WWP1: variants seen among roughly 807,000 people sequenced by gnomAD.
WWP1 encodes the protein WW domain containing E3 ubiquitin protein ligase 1.
In WWP1, 49 loss-of-function variants were observed where a neutral mutation model predicts 130.6. That is an observed-to-expected ratio of 0.38 (90% CI 0.30 to 0.48). WWP1 has a LOEUF of 0.48. WWP1 is among the 20% of genes least tolerant of loss of function. The probability of loss-of-function intolerance (pLI) is 0.99; values close to 1 mark genes in which losing one functional copy is unlikely to be tolerated. For missense variants in WWP1, 809 were observed against 1,100.6 expected (o/e 0.74, Z 3.75); for synonymous variants, 332 against 367.8 (o/e 0.90, Z 1.11).
chr8:86,345,635 C>CTA (rs1822532972), intron 1 of WWP1, among the ~76,000 whole-genome samples: 1 of 146,394 alleles, frequency 6.8e-6, no homozygotes, highest in Admixed American at 6.7e-5. Context: ...TCGTGTTGAA[C>CTA]TCCTGAGCTC....
At position 86,381,399 on chromosome 8, in the gene WWP1, G is replaced by A. The variant is rs536517808; in HGVS notation, c.210-106G>A. 96 of 1,321,794 alleles carry A rather than the reference G, an allele frequency of 7.3e-5. 1 individual carries two copies. The highest frequency in any genetic ancestry group is 5.2e-4 in the South Asian group (35 of 67,236). 81.9% of individuals were successfully genotyped at this position (1,321,794 alleles called of 1,614,324 possible). ...TTCTTCTCAAATAAATGAAATTCAC[G>A]GTTTTTAAAACATTACTGAAATAAA... On this transcript the variant is annotated intron_variant, in intron 4 of 24. Transcript: ENST00000517970.
At chr8:86,421,697 G>A (rs1202786840) in intron 9 of WWP1, among the ~76,000 whole-genome samples, 15 of 152,150 alleles carry the variant, frequency 9.9e-5, no homozygotes, top group East Asian at 1.9e-4. Flanking sequence ...GGTGGCTGGC[G>A]CCTATAGTCC....
intron 16 of WWP1, among the ~76,000 whole-genome samples, chr8:86,438,143 A>T: frequency 6.6e-6 from 1 of 152,066 alleles, no homozygotes; most frequent in Non-Finnish European, 1.5e-5. Context: ...AGAAAAGAAA[A>T]TTTTTTTAGA....
chr8:86,402,297 T>C lies in WWP1; in HGVS notation c.724+94T>C, dbSNP rs1299743764. The C allele has an allele frequency of 2.8e-6, 4 of 1,422,106 alleles. No homozygotes were observed. The African/African-American group carries it at 4.4e-5, about 15-fold the overall frequency. 88.1% of individuals were successfully genotyped at this position (1,422,106 alleles called of 1,614,324 possible). ...CTACACTTCCCTTTTTGTGTAGTCT[T>C]TTTTTTGAGACGGAGTCTCGCTCTG... On this transcript the variant is annotated intron_variant, in intron 8 of 24. Coordinates refer to ENST00000517970, the MANE Select transcript of WWP1 (RefSeq NM_007013.4).
intron 18 of WWP1, among the ~76,000 whole-genome samples, chr8:86,445,656 C>T (rs1472502477): frequency 2.6e-5 from 4 of 152,116 alleles, no homozygotes; most frequent in Non-Finnish European, 5.9e-5. Flanking sequence ...ATTTATTTTC[C>T]TCTGGATATC....
At chr8:86,406,375 A>G (rs941897310) in intron 8 of WWP1, among the ~76,000 whole-genome samples, 6 of 152,164 alleles carry the variant, frequency 3.9e-5, no homozygotes, top group Non-Finnish European at 7.4e-5. Flanking sequence ...TTTCTAATAT[A>G]TAGTTGTTAT....
At chr8:86,358,480 G>A (rs1205965235) in intron 1 of WWP1, among the ~76,000 whole-genome samples, 3 of 22,922 alleles carry the variant, frequency 1.3e-4, no homozygotes, top group Non-Finnish European at 5.3e-4. Flanking sequence ...TTATTGAGGA[G>A]TTTTTTTTTT....
At chr8:86,419,094 C>CA (rs1366596430) in intron 9 of WWP1, among the ~76,000 whole-genome samples, 1 of 151,968 alleles carries the variant, frequency 6.6e-6, no homozygotes, top group Admixed American at 6.6e-5. Flanking sequence ...AGATAGAGAT[C>CA]AAAAAAACAA....
At chr8:86,360,067 A>T (rs1823491234) in intron 1 of WWP1, among the ~76,000 whole-genome samples, 1 of 149,434 alleles carries the variant, frequency 6.7e-6, no homozygotes, top group African/African-American at 2.5e-5. Context: ...AAAACAAAAA[A>T]CAAAAAAAAA....
chr8:86,366,322 T>A (rs1331747000), intron 1 of WWP1, among the ~76,000 whole-genome samples: 1 of 152,174 alleles, frequency 6.6e-6, no homozygotes, highest in Non-Finnish European at 1.5e-5. Flanking sequence ...GCTTGGGGTA[T>A]GATGGCATGG....
In WWP1 at chr8:86,353,326, CAGAAG is replaced by C. The variant is rs1823056864; in HGVS notation, c.-115+10399_-115+10403del. Among the ~76,000 whole-genome samples, 2 of 152,162 alleles carry C rather than the reference CAGAAG, an allele frequency of 1.3e-5. 1 individual carries two copies. The highest frequency in any genetic ancestry group is 4.1e-4 in the South Asian group (2 of 4,828). ...AGGATCCAAAATCTGATCCTGTCAT[CAGAAG>C]AGTAGATCTTTTTTCCTGGAAAAAC... On this transcript the variant is annotated intron_variant, in intron 1 of 24. Coordinates refer to ENST00000517970, the MANE Select transcript of WWP1 (RefSeq NM_007013.4).
At chr8:86,344,716 T>C (rs1586218165) in intron 1 of WWP1, among the ~76,000 whole-genome samples, 1 of 152,134 alleles carries the variant, frequency 6.6e-6, no homozygotes, top group Admixed American at 6.5e-5. Context: ...TGAAGGACGA[T>C]TATGACTTTG....
At chr8:86,390,179 C>T (rs538311276) in intron 5 of WWP1, among the ~76,000 whole-genome samples, 54 of 151,778 alleles carry the variant, frequency 3.6e-4, no homozygotes, top group Non-Finnish European at 5.7e-4. Context: ...GACGGGATGG[C>T]GGCCAGGAAG....
At chr8:86,437,024 T>A (rs1810326155) in intron 16 of WWP1, among the ~76,000 whole-genome samples, 1 of 152,216 alleles carries the variant, frequency 6.6e-6, no homozygotes, top group South Asian at 2.1e-4. Context: ...AACTCTGGAT[T>A]GATTTTAGTA....
chr8:86,463,283 G>C (rs928145047), intron 24 of WWP1, among the ~76,000 whole-genome samples: 1 of 152,038 alleles, frequency 6.6e-6, no homozygotes, highest in Non-Finnish European at 1.5e-5. Flanking sequence ...GACTTTCCTC[G>C]ATGAGATTAG....
chr8:86,383,764 T>TA (rs2130380884), intron 5 of WWP1, among the ~76,000 whole-genome samples: 1 of 152,198 alleles, frequency 6.6e-6, no homozygotes, highest in African/African-American at 2.4e-5. Context: ...AATAAATATA[T>TA]AAAAATTATC....
intron 1 of WWP1, among the ~76,000 whole-genome samples, chr8:86,361,981 T>TATATACACACATATATATACACAC (rs1563465071): frequency 3.5e-5 from 5 of 141,410 alleles, no homozygotes; most frequent in African/African-American, 1.3e-4. Context: ...TGTGTATATA[T>TATATACACACATATATATACACAC]ATATATATAT....
intron 2 of WWP1, among the ~76,000 whole-genome samples, chr8:86,373,827 A>AT (rs369098263): frequency 3.9e-5 from 6 of 152,158 alleles, no homozygotes; most frequent in African/African-American, 1.4e-4. Flanking sequence ...TCTAATGTTT[A>AT]TTTTTATTTT....
At chr8:86,423,239 T>G (rs1295258769) in intron 9 of WWP1, among the ~76,000 whole-genome samples, 1 of 152,074 alleles carries the variant, frequency 6.6e-6, no homozygotes, top group Non-Finnish European at 1.5e-5. Flanking sequence ...TTATTTATTT[T>G]TTTAATTGAT....
Sources: allele counts gnomAD v4.1 joint callset (sites outside exome capture counted in the v4.1 genomes callset), GRCh38; gene constraint gnomAD v4.1.1; transcripts MANE v1.5; gene names NCBI Gene and HGNC (gene_info 2026-07-23, HGNC 2026-07-21).